Variants in CLMP observed in about 807,000 individuals in gnomAD.
CLMP encodes the protein CXADR like cell adhesion molecule.
A neutral mutation model predicts 45.2 loss-of-function variants in CLMP; 27 were observed. That is an observed-to-expected ratio of 0.60 (90% CI 0.44 to 0.82). The LOEUF is 0.82. Among genes scored for constraint, CLMP ranks in the 40% least tolerant of loss-of-function variants. The pLI is 0.00. For missense variants in CLMP, 403 were observed against 448.4 expected, an observed-to-expected ratio of 0.90 and a Z score of 0.91; for synonymous variants, 167 against 171.4, an observed-to-expected ratio of 0.97 and a Z score of 0.20.
intron 5 of CLMP, among the ~76,000 whole-genome samples, chr11:123,080,710 T>C (rs1865794761): frequency 6.6e-6 from 1 of 152,178 alleles, no homozygotes; most frequent in Admixed American, 6.5e-5. Context: ...TTCTAATAAG[T>C]AGAGTATATA....
chr11:123,144,789 C>A (rs1861214840), intron 1 of CLMP, among the ~76,000 whole-genome samples: 1 of 152,180 alleles, frequency 6.6e-6, no homozygotes, highest in South Asian at 2.1e-4. Flanking sequence ...TATCTTCTAT[C>A]TTGCAGATTT....
intron 1 of CLMP, among the ~76,000 whole-genome samples, chr11:123,141,420 G>A (rs1289963067): frequency 2.0e-5 from 3 of 152,020 alleles, no homozygotes; most frequent in Middle Eastern, 3.4e-3. Context: ...TCCTGACCTC[G>A]TGATCCACCC....
chr11:123,155,219 G>A (rs181713962), intron 1 of CLMP, among the ~76,000 whole-genome samples: 3 of 152,334 alleles, frequency 2.0e-5, no homozygotes, highest in African/African-American at 7.2e-5. Flanking sequence ...TCAAACTCCT[G>A]GCCTGAAGGG....
At chr11:123,153,692 T>A (rs984410401) in intron 1 of CLMP, among the ~76,000 whole-genome samples, 2 of 152,130 alleles carry the variant, frequency 1.3e-5, no homozygotes, top group African/African-American at 4.8e-5. Context: ...TTTAATTTTA[T>A]TTTTTTCTGA....
chr11:123,095,066 T>C (rs1485646045), intron 2 of CLMP, among the ~76,000 whole-genome samples: 1 of 152,240 alleles, frequency 6.6e-6, no homozygotes, highest in African/African-American at 2.4e-5. Context: ...TTGTGTAATC[T>C]GAATGATTGA....
At chr11:123,078,522 C>T (rs967150868) in intron 5 of CLMP, among the ~76,000 whole-genome samples, 4 of 152,158 alleles carry the variant, frequency 2.6e-5, no homozygotes, top group Non-Finnish European at 5.9e-5. Flanking sequence ...TCTCGGCTCA[C>T]TGCAACTTCT....
chr11:123,118,999 T>C (rs12803323), intron 1 of CLMP, among the ~76,000 whole-genome samples: 796 of 14,014 alleles, frequency 0.057, 8 homozygotes, highest in South Asian at 0.12. Flanking sequence ...CTTTCTTTCT[T>C]TCTCTCTCTC....
intron 2 of CLMP, among the ~76,000 whole-genome samples, chr11:123,094,833 A>G (rs1026900486): frequency 1.3e-5 from 2 of 152,092 alleles, no homozygotes; most frequent in African/African-American, 4.8e-5. Flanking sequence ...ATAGAATCTC[A>G]CTGTGTCACC....
At chr11:123,137,953 T>A (rs771844574) in intron 1 of CLMP, among the ~76,000 whole-genome samples, 6 of 152,032 alleles carry the variant, frequency 3.9e-5, no homozygotes, top group Admixed American at 6.6e-5. Flanking sequence ...GAAAGAGTAG[T>A]AATTTTATTT....
At chr11:123,172,663 T>G (rs911603051) in intron 1 of CLMP, among the ~76,000 whole-genome samples, 2 of 152,086 alleles carry the variant, frequency 1.3e-5, no homozygotes, top group African/African-American at 4.8e-5. Context: ...TTGTTAATTA[T>G]TTTGTAGAGA....
intron 1 of CLMP, chr11:123,191,530 C>T (rs1285247406): frequency 2.0e-5 from 3 of 152,184 alleles, no homozygotes; most frequent in East Asian, 1.9e-4. Flanking sequence ...GGTACTAGCA[C>T]ACACGATATA....
chr11:123,098,364 A>G (rs1212707921), intron 1 of CLMP, among the ~76,000 whole-genome samples: 1 of 152,010 alleles, frequency 6.6e-6, no homozygotes, highest in Non-Finnish European at 1.5e-5. Context: ...AGTAGCTGGA[A>G]CTACAGGCGC....
chr11:123,108,407 TC>T (rs747493991), intron 1 of CLMP, among the ~76,000 whole-genome samples: 13 of 152,178 alleles, frequency 8.5e-5, no homozygotes, highest in Non-Finnish European at 1.6e-4. Context: ...TGCCTAGTTA[TC>T]TCCTCCCACC....
intron 5 of CLMP, among the ~76,000 whole-genome samples, chr11:123,077,384 T>A (rs564744651): frequency 1.4e-3 from 206 of 152,262 alleles, no homozygotes; most frequent in African/African-American, 4.8e-3. Flanking sequence ...CAGGCTGGAA[T>A]GCAATGGTGC....
chr11:123,149,830 T>A (rs529421661), intron 1 of CLMP, among the ~76,000 whole-genome samples: 5 of 151,796 alleles, frequency 3.3e-5, no homozygotes, highest in East Asian at 3.9e-4. Context: ...TTTTTTTTTT[T>A]AGGCAGAGAC....
chr11:123,122,120 G>A (rs940175836), intron 1 of CLMP, among the ~76,000 whole-genome samples: 1 of 152,160 alleles, frequency 6.6e-6, no homozygotes, highest in Non-Finnish European at 1.5e-5. Flanking sequence ...TAAAATATCC[G>A]TAAGTGATTT....
At chr11:123,151,646 G>T (rs1253572958) in intron 1 of CLMP, among the ~76,000 whole-genome samples, 2 of 152,212 alleles carry the variant, frequency 1.3e-5, no homozygotes, top group African/African-American at 4.8e-5. Flanking sequence ...GCCTGTGAAA[G>T]ACATGTGGGA....
intron 1 of CLMP, among the ~76,000 whole-genome samples, chr11:123,145,828 C>CA (rs1861230712): frequency 6.6e-6 from 1 of 152,198 alleles, no homozygotes; most frequent in African/African-American, 2.4e-5. Context: ...AATAGTCCCG[C>CA]ACTTCCCTGC....
At chr11:123,109,059 C>CAAAAAAAAAAAAAAAAA (rs776811883) in intron 1 of CLMP, among the ~76,000 whole-genome samples, 1 of 64,274 alleles carries the variant, frequency 1.6e-5, no homozygotes. Flanking sequence ...AACTCTGTCT[C>CAAAAAAAAAAAAAAAAA]AAAAAAAAAA....
Sources: allele counts gnomAD v4.1 joint callset (sites outside exome capture counted in the v4.1 genomes callset), GRCh38; gene constraint gnomAD v4.1.1; transcripts MANE v1.5; gene names NCBI Gene and HGNC (gene_info 2026-07-23, HGNC 2026-07-21).